Variants in DCTN4 observed in about 807,000 individuals in gnomAD.
The protein encoded by DCTN4 is dynactin 4 (p62).
A neutral mutation model predicts 62.7 loss-of-function variants in DCTN4; 23 were observed. That is an observed-to-expected ratio of 0.37 (90% CI 0.26 to 0.52). The LOEUF (loss-of-function observed/expected upper bound fraction) is 0.52. Among genes scored for constraint, DCTN4 ranks in the 20% least tolerant of loss-of-function variants. The pLI, the probability that DCTN4 is intolerant of heterozygous loss-of-function variation, is 0.92. For missense variants in DCTN4, 514 were observed against 580.4 expected, an observed-to-expected ratio of 0.89 and a Z score of 1.18; for synonymous variants, 199 against 202.1, an observed-to-expected ratio of 0.98 and a Z score of 0.13.
At chr5:150,744,517 A>G (rs1305016691) in intron 3 of DCTN4, among the ~76,000 whole-genome samples, 2 of 152,242 alleles carry the variant, frequency 1.3e-5, no homozygotes, top group African/African-American at 4.8e-5. Context: ...AATGAAAGAA[A>G]AAACTTAAAG....
At chr5:150,753,124 C>T (rs1752737095) in intron 3 of DCTN4, among the ~76,000 whole-genome samples, 1 of 152,212 alleles carries the variant, frequency 6.6e-6, no homozygotes, top group Non-Finnish European at 1.5e-5. Context: ...CTCAACCTCC[C>T]AAAGTGCTGG....
At chr5:150,724,344 T>G (rs1321156565) in intron 8 of DCTN4, among the ~76,000 whole-genome samples, 2 of 152,172 alleles carry the variant, frequency 1.3e-5, no homozygotes, top group African/African-American at 4.8e-5. Flanking sequence ...TAACAATAGA[T>G]TTTAATCTCT....
At chr5:150,715,414 T>C (rs1759717496) in intron 12 of DCTN4, 151 bp downstream of exon 12, 1 of 611,368 alleles carries the variant, frequency 1.6e-6, no homozygotes, top group African/African-American at 1.9e-5. Context: ...CTTCATGGTC[T>C]TACATATATT....
At chr5:150,746,468 G>A (rs1377594586) in intron 3 of DCTN4, among the ~76,000 whole-genome samples, 2 of 151,982 alleles carry the variant, frequency 1.3e-5, no homozygotes, top group East Asian at 1.9e-4. Flanking sequence ...TACCAAAGCT[G>A]GGCAGAGACA....
intron 3 of DCTN4, among the ~76,000 whole-genome samples, chr5:150,749,889 T>C (rs1480634112): frequency 6.6e-6 from 1 of 152,126 alleles, no homozygotes; most frequent in African/African-American, 2.4e-5. Context: ...TACAACAGAA[T>C]ACTACTCAAC....
chr5:150,720,378 A>AAC (rs565506167), intron 9 of DCTN4, among the ~76,000 whole-genome samples: 6 of 151,974 alleles, frequency 3.9e-5, no homozygotes, highest in South Asian at 2.1e-4. Context: ...TCTCAAAAAA[A>AAC]ACACACACAC....
At chr5:150,719,883 G>A in intron 9 of DCTN4, 113 bp from the exon 10 acceptor site, 2 of 652,878 alleles carry the variant, frequency 3.1e-6, no homozygotes, top group Non-Finnish European at 5.0e-6. Context: ...GAATGTATCA[G>A]AAAAAAAATA....
chr5:150,725,950 C>T (rs539633250), intron 8 of DCTN4, among the ~76,000 whole-genome samples: 6 of 151,970 alleles, frequency 3.9e-5, no homozygotes, highest in South Asian at 2.1e-4. Context: ...TTGCCCAGGC[C>T]GGAGTACAAT....
chr5:150,714,132 T>C (rs1046897774), intron 12 of DCTN4, among the ~76,000 whole-genome samples: 1 of 152,018 alleles, frequency 6.6e-6, no homozygotes, highest in Non-Finnish European at 1.5e-5. Context: ...AAACAAAGAC[T>C]GTGAATGTTC....
intron 2 of DCTN4, among the ~76,000 whole-genome samples, chr5:150,754,979 A>G (rs1752803075): frequency 6.6e-6 from 1 of 151,774 alleles, no homozygotes; most frequent in Non-Finnish European, 1.5e-5. Flanking sequence ...AAAAAAATAC[A>G]CACAAAACAT....
intron 4 of DCTN4, among the ~76,000 whole-genome samples, chr5:150,736,701 G>GA (rs894242721): frequency 9.4e-5 from 14 of 148,172 alleles, no homozygotes; most frequent in Admixed American, 1.3e-4. Context: ...ATAACACAAT[G>GA]AAAAAAAAAA....
Position 150,730,619 on chromosome 5 carries a change from T to C in DCTN4, c.834+12A>G, listed in dbSNP as rs762400921. On this transcript the variant is annotated intron_variant, in intron 8 of 12. Coordinates refer to ENST00000447998, the MANE Select transcript of DCTN4 (RefSeq NM_016221.4). Reference sequence around the variant, plus strand: ...TTGTACAAATGGTCAGTCTACAGAATGGAATACTTACACGGCAGCGCAGGG... The same window carrying C: ...TTGTACAAATGGTCAGTCTACAGAACGGAATACTTACACGGCAGCGCAGGG... The C allele has an allele frequency of 2.5e-6, 4 of 1,610,936 alleles. No individual in the cohort carries two copies. The highest frequency in any genetic ancestry group is 4.5e-5 in the East Asian group (2 of 44,846).
intron 11 of DCTN4, among the ~76,000 whole-genome samples, chr5:150,716,228 T>C (rs1269476141): frequency 6.6e-6 from 1 of 152,164 alleles, no homozygotes. Context: ...CTTAAGGGGA[T>C]GGGGAGAAAT....
intron 1 of DCTN4, chr5:150,757,952 T>TA (rs1042584839): frequency 5.2e-5 from 27 of 524,148 alleles, no homozygotes; most frequent in South Asian, 1.7e-4. Flanking sequence ...TCTTTACCTG[T>TA]AAAAAAAATT....
chr5:150,729,401 A>T (rs1028631285), intron 8 of DCTN4, among the ~76,000 whole-genome samples: 15 of 152,014 alleles, frequency 9.9e-5, no homozygotes, highest in African/African-American at 3.6e-4. Context: ...AACAAAAAGA[A>T]TCAGCATCTT....
intron 4 of DCTN4, among the ~76,000 whole-genome samples, chr5:150,736,157 G>T (rs1760574835): frequency 6.6e-6 from 1 of 152,142 alleles, no homozygotes; most frequent in Non-Finnish European, 1.5e-5. Flanking sequence ...CAAGGAAGAA[G>T]AGAAATCTAA....
At chr5:150,723,037 C>A in intron 8 of DCTN4, 57 bp from the exon 9 acceptor site, 1 of 1,250,300 alleles carries the variant, frequency 8.0e-7, no homozygotes, top group East Asian at 2.4e-5. Flanking sequence ...TTTGTTGATC[C>A]ATAGAGCTGC....
chr5:150,758,556 C>G, intron 1 of DCTN4: 1 of 1,117,196 alleles, frequency 9.0e-7, no homozygotes, highest in South Asian at 2.6e-5. Flanking sequence ...TAAGCACCCC[C>G]AGACCTTTCT....
chr5:150,748,972 G>GTA (rs1364768476), intron 3 of DCTN4, among the ~76,000 whole-genome samples: 8 of 151,818 alleles, frequency 5.3e-5, no homozygotes, highest in African/African-American at 1.9e-4. Context: ...AAAAGAGCAA[G>GTA]ACTTAAATGT....
Sources: gnomAD v4.1 joint callset for allele counts (sites outside exome capture counted in the v4.1 genomes callset) on GRCh38, gnomAD v4.1.1 for gene constraint, MANE v1.5 for transcripts, NCBI Gene and HGNC (gene_info 2026-07-23, HGNC 2026-07-21) for gene names.